Variants in TUSC3 observed in about 807,000 individuals in gnomAD.
TUSC3 encodes tumor suppressor candidate 3.
TUSC3 carries 45 observed loss-of-function variants against 44.8 expected under a neutral mutation model. The observed-to-expected ratio is 1.00, with a 90% CI of 0.79 to 1.29. The LOEUF is 1.29. Among genes scored for constraint, TUSC3 ranks in the 50% most tolerant of loss-of-function variants. The pLI is 0.00. For missense variants in TUSC3, 519 were observed against 437.9 expected (o/e 1.19, Z -1.65); for synonymous variants, 212 against 152.9 (o/e 1.39, Z -2.85).
chr8:15,639,466 T>A (rs1027777166), intron 2 of TUSC3, among the ~76,000 whole-genome samples: 5 of 152,214 alleles, frequency 3.3e-5, no homozygotes, highest in African/African-American at 1.2e-4. Context: ...TACAAAACGG[T>A]GCTTTATTTC....
intron 2 of TUSC3, among the ~76,000 whole-genome samples, chr8:15,631,607 A>G (rs543423230): frequency 6.6e-6 from 1 of 152,182 alleles, no homozygotes; most frequent in African/African-American, 2.4e-5. Flanking sequence ...CCTATGAGTT[A>G]CATACATCAT....
chr8:15,512,501 G>A (rs544370973), intron 2 of TUSC3, among the ~76,000 whole-genome samples: 12 of 152,150 alleles, frequency 7.9e-5, no homozygotes, highest in African/African-American at 2.2e-4. Context: ...GGCTGGGCAC[G>A]GTGGCTCACA....
At chr8:15,787,360 G>A in the TUSC3 span, among the ~76,000 whole-genome samples, 2 of 152,128 alleles carry the variant, frequency 1.3e-5, no homozygotes, top group Non-Finnish European at 2.9e-5. Context: ...ACTAGGCATG[G>A]AATATAAAAT....
intron 2 of TUSC3, among the ~76,000 whole-genome samples, chr8:15,528,016 A>T (rs1801398548): frequency 1.3e-5 from 2 of 152,228 alleles, no homozygotes; most frequent in African/African-American, 4.8e-5. Context: ...ACAGATAAAT[A>T]TTCTTTGACA....
At chr8:15,726,686 A>G (rs1563192444) in intron 6 of TUSC3, among the ~76,000 whole-genome samples, 2 of 152,068 alleles carry the variant, frequency 1.3e-5, no homozygotes, top group Admixed American at 1.3e-4. Flanking sequence ...CACACCTGTA[A>G]TCCCAGCTAC....
the TUSC3 span, among the ~76,000 whole-genome samples, chr8:15,831,855 C>G: frequency 0.011 from 1,671 of 152,166 alleles, 39 homozygotes; most frequent in African/African-American, 0.038. Flanking sequence ...GTGTGAGCAA[C>G]TTGGAAAACA....
rs10503549 is a variant in TUSC3 at position 15,730,915 on chromosome 8, C to T, written c.862+186C>T. Among the ~76,000 whole-genome samples, 6,034 of 151,674 alleles carry T rather than the reference C, an allele frequency of 0.04. 349 individuals carry two copies. The highest frequency in any genetic ancestry group is 0.14 in the African/African-American group (5,606 of 41,244). On this transcript the variant is annotated intron_variant, in intron 7 of 10. Coordinates refer to ENST00000503731, the MANE Select transcript of TUSC3 (RefSeq NM_006765.4). ...ATTACGGTATAATTTGTTGCTATTC[C>T]GTATCATTAACAGATCATAATTTTT...
intron 1 of TUSC3, among the ~76,000 whole-genome samples, chr8:15,563,047 C>A (rs1173727884): frequency 6.6e-6 from 1 of 152,070 alleles, no homozygotes; most frequent in African/African-American, 2.4e-5. Context: ...TTCATTTATG[C>A]CTACTAAAGT....
At chr8:15,476,592 A>G (rs568768133) in intron 1 of TUSC3, among the ~76,000 whole-genome samples, 8 of 152,244 alleles carry the variant, frequency 5.3e-5, no homozygotes, top group Non-Finnish European at 1.2e-4. Flanking sequence ...GTGGGTGTCC[A>G]GCTTCTTGGT....
intron 6 of TUSC3, among the ~76,000 whole-genome samples, chr8:15,720,276 T>C (rs992724961): frequency 1.3e-5 from 2 of 151,254 alleles, no homozygotes; most frequent in African/African-American, 4.9e-5. Flanking sequence ...ACTGATAGTT[T>C]ACCGATTAAA....
At chr8:15,794,242 GT>G in the TUSC3 span, among the ~76,000 whole-genome samples, 1 of 151,916 alleles carries the variant, frequency 6.6e-6, no homozygotes. Flanking sequence ...GACTCATCCC[GT>G]TTTTTTGAGG....
intron 1 of TUSC3, among the ~76,000 whole-genome samples, chr8:15,467,136 ATT>A (rs1185514714): frequency 1.1e-4 from 16 of 152,222 alleles, no homozygotes; most frequent in African/African-American, 3.6e-4. Context: ...TGTTATTAAA[ATT>A]ACTAAAACCT....
At chr8:15,568,726 C>G (rs1442996180) in intron 1 of TUSC3, among the ~76,000 whole-genome samples, 1 of 151,706 alleles carries the variant, frequency 6.6e-6, no homozygotes, top group African/African-American at 2.4e-5. Flanking sequence ...CCTCAGCCTC[C>G]CAAGTAGCTG....
downstream of TUSC3, among the ~76,000 whole-genome samples, chr8:15,769,805 A>G (rs1286141431): frequency 1.3e-5 from 2 of 152,240 alleles, 1 homozygote; most frequent in South Asian, 4.1e-4. Flanking sequence ...GTGGCCCACA[A>G]ACGTTAAAGA....
At chr8:15,712,570 G>T (rs1809901460) in intron 6 of TUSC3, among the ~76,000 whole-genome samples, 1 of 151,790 alleles carries the variant, frequency 6.6e-6, no homozygotes, top group Non-Finnish European at 1.5e-5. Context: ...GATTTACGTG[G>T]TCTCCAAAGG....
chr8:15,490,414 C>T (rs1448576296), intron 2 of TUSC3, among the ~76,000 whole-genome samples: 2 of 152,044 alleles, frequency 1.3e-5, no homozygotes, highest in Non-Finnish European at 2.9e-5. Flanking sequence ...CTCCTGTTTC[C>T]CCACCACCAC....
chr8:15,576,021 T>C (rs1277326256), intron 1 of TUSC3, among the ~76,000 whole-genome samples: 1 of 152,004 alleles, frequency 6.6e-6, no homozygotes, highest in African/African-American at 2.4e-5. Context: ...TGATTTCAGC[T>C]TTTTCCTTTT....
At chr8:15,739,098 T>A (rs2129212205) in intron 7 of TUSC3, among the ~76,000 whole-genome samples, 1 of 152,208 alleles carries the variant, frequency 6.6e-6, no homozygotes, top group East Asian at 1.9e-4. Context: ...CCCAAAATGC[T>A]GGGATTACAG....
At chr8:15,492,938 A>T (rs1800829605) in intron 2 of TUSC3, among the ~76,000 whole-genome samples, 2 of 152,202 alleles carry the variant, frequency 1.3e-5, no homozygotes, top group African/African-American at 4.8e-5. Context: ...AAAAAAAGAC[A>T]AAACTGTTGC....
Sources: allele counts gnomAD v4.1 joint callset (sites outside exome capture counted in the v4.1 genomes callset), GRCh38; gene constraint gnomAD v4.1.1; transcripts MANE v1.5; gene names NCBI Gene and HGNC (gene_info 2026-07-23, HGNC 2026-07-21).